Variants in ANKRD16 observed in about 807,000 individuals in gnomAD.
ANKRD16 encodes ankyrin repeat domain-containing protein 16.
A neutral mutation model predicts 37.9 loss-of-function variants in ANKRD16; 35 were observed. That is an observed-to-expected ratio of 0.92 (90% CI 0.71 to 1.23). The LOEUF (loss-of-function observed/expected upper bound fraction) is 1.23. ANKRD16 is among the 50% of genes most tolerant of loss of function. The probability of loss-of-function intolerance (pLI) is 0.00; values close to 1 mark genes in which losing one functional copy is unlikely to be tolerated. For missense variants in ANKRD16, 480 were observed against 469.9 expected (o/e 1.02, Z -0.20); for synonymous variants, 206 against 197.2 (o/e 1.04, Z -0.37).
chr10:5,879,771 T>C (rs998620661), intron 6 of ANKRD16, among the ~76,000 whole-genome samples: 6 of 126,254 alleles, frequency 4.8e-5, no homozygotes, highest in Admixed American at 9.0e-5. Context: ...GCAGTTGTAA[T>C]GAGTGGCAGT....
rs1161358839 is a variant in ANKRD16 at position 5,885,727 on chromosome 10, TAAG to T, written c.571_573del (p.Leu191del). On this transcript the variant is annotated inframe_deletion, in exon 3 of 8. Transcript: ENST00000380094. ...GACTTGCTGTATTGTTCTTACCTCT[TAAG>T]AAGCACCTTGACTGCCTCCAAATGG... 1 of 1,611,782 alleles carries T rather than the reference TAAG, an allele frequency of 6.2e-7. No homozygotes were observed. Among genetic ancestry groups the T allele is most frequent in the African/African-American group, 1.3e-5 (1 of 74,808 alleles).
Position 5,865,189 on chromosome 10 carries a change from G to C in ANKRD16, c.*34-2498C>G, listed in dbSNP as rs762021173. Among the ~76,000 whole-genome samples, 42 of 152,190 alleles carry C rather than the reference G, an allele frequency of 2.8e-4. No individual in the cohort carries two copies. Among genetic ancestry groups the C allele is most frequent in the Non-Finnish European group, 5.0e-4 (34 of 68,030 alleles). Reference sequence around the variant, plus strand: ...GAAAATGGAGCAGGCCAATCACCTGGTAGGGCTTGTTACCAGTGTGGTTTG... The same window carrying C: ...GAAAATGGAGCAGGCCAATCACCTGCTAGGGCTTGTTACCAGTGTGGTTTG... On this transcript the variant is annotated intron_variant, in intron 7 of 7. Coordinates refer to ENST00000380094, the MANE Select transcript of ANKRD16 (RefSeq NM_019046.3). The surrounding 1 kb of genome is among the most constrained non-coding windows in gnomAD (Gnocchi z 4.7).
Position 5,874,694 on chromosome 10 carries a change from T to C in ANKRD16, c.*33+3403A>G, listed in dbSNP as rs1842158472. Among the ~76,000 whole-genome samples the C allele has an allele frequency of 6.6e-6, 1 of 152,064 alleles. No individual in the cohort carries two copies. The highest frequency in any genetic ancestry group is 1.5e-5 in the Non-Finnish European group (1 of 67,994). On this transcript the variant is annotated intron_variant, in intron 7 of 7. Transcript: ENST00000380094. The surrounding 1 kb of genome is among the most constrained non-coding windows in gnomAD (Gnocchi z 4.7). ...GGCTGGGTTTTGAATAAACTGAATG[T>C]GAGATGGCCTCAGAACATCCATGCA...
At chr10:5,880,766 T>C (rs1976655) in intron 5 of ANKRD16, among the ~76,000 whole-genome samples, 44,383 of 152,132 alleles carry the variant, frequency 0.29, 7,128 homozygotes, top group Middle Eastern at 0.36. Flanking sequence ...GCTATCTGCT[T>C]AGGAACAAAA....
At position 5,883,181 on chromosome 10, in the gene ANKRD16, G is replaced by C; in HGVS notation, c.688-14C>G. 1 of 1,611,340 alleles carries C rather than the reference G, an allele frequency of 6.2e-7. No homozygotes were observed. The highest frequency in any genetic ancestry group is 8.5e-7 in the Non-Finnish European group (1 of 1,179,174). Reference sequence around the variant, plus strand: ...TGAAAGGCAAGCCTAGTGGGCAGAGGAGAGAAAGGAGCAAAGGTCAAAGAT... The same window carrying C: ...TGAAAGGCAAGCCTAGTGGGCAGAGCAGAGAAAGGAGCAAAGGTCAAAGAT... On this transcript the variant is annotated splice_polypyrimidine_tract_variant and intron_variant, in intron 4 of 7. Transcript: ENST00000380094.
chr10:5,881,392 T>A (rs1205553491), intron 5 of ANKRD16, among the ~76,000 whole-genome samples: 2 of 144,294 alleles, frequency 1.4e-5, no homozygotes, highest in African/African-American at 5.1e-5. Flanking sequence ...CTATTACAGC[T>A]AGTAGGAATT....
intron 5 of ANKRD16, among the ~76,000 whole-genome samples, chr10:5,882,080 A>G (rs1386545922): frequency 6.6e-6 from 1 of 152,042 alleles, no homozygotes; most frequent in Non-Finnish European, 1.5e-5. Context: ...CTATAAAATA[A>G]TTTATACACT....
chr10:5,885,098 T>A (rs1842396515), intron 3 of ANKRD16, among the ~76,000 whole-genome samples: 1 of 152,252 alleles, frequency 6.6e-6, no homozygotes, highest in African/African-American at 2.4e-5. Flanking sequence ...TTCCTGCCAG[T>A]CTGTTGAGTT....
chr10:5,872,478 AAAAT>A (rs775568986), intron 7 of ANKRD16, among the ~76,000 whole-genome samples: 2 of 152,160 alleles, frequency 1.3e-5, no homozygotes, highest in Non-Finnish European at 2.9e-5. Context: ...GACTGTCTCC[AAAAT>A]AAATAAATAA....
Position 5,878,850 on chromosome 10 carries a change from A to AT in ANKRD16, c.929-564dup, listed in dbSNP as rs1221221705. On this transcript the variant is annotated intron_variant, in intron 6 of 7. Coordinates refer to ENST00000380094, the MANE Select transcript of ANKRD16 (RefSeq NM_019046.3). This position sits in a 1 kb window ranked among gnomAD's most constrained non-coding sequence, Gnocchi z 5.1. ...AGAAGCAACAGAGCAAGTTAACAAGATATAGGATACATCCTCTTCATACGC... is the reference window on the plus strand; with the variant it reads ...AGAAGCAACAGAGCAAGTTAACAAGATTATAGGATACATCCTCTTCATACGC... 2.0e-5 allele frequency among the ~76,000 whole-genome samples: 3 copies of AT among 152,144 alleles called. No homozygotes were observed. Among genetic ancestry groups the AT allele is most frequent in the African/African-American group, 7.2e-5 (3 of 41,434 alleles).
At chr10:5,867,117 C>T (rs1842026932) in intron 7 of ANKRD16, among the ~76,000 whole-genome samples, 1 of 152,194 alleles carries the variant, frequency 6.6e-6, no homozygotes, top group Non-Finnish European at 1.5e-5. Context: ...TATAACACTC[C>T]AATACCACCT....
At chr10:5,880,465 A>G (rs1842279312) in intron 5 of ANKRD16, 89 bp from the exon 6 acceptor site, 1 of 699,442 alleles carries the variant, frequency 1.4e-6, no homozygotes, top group Admixed American at 3.3e-5. Flanking sequence ...GTCTCAATCA[A>G]TTTAGAAGTT....
In ANKRD16 at chr10:5,889,260, C is replaced by T; in HGVS notation, c.95G>A (p.Cys32Tyr). Reference sequence around the variant, plus strand: ...GAGGGTATCCCCGGCCGGCCCCGGGCAGCCCCCGGCCGCCTGCAGCTCCTC... The same window carrying T: ...GAGGGTATCCCCGGCCGGCCCCGGGTAGCCCCCGGCCGCCTGCAGCTCCTC... ...LKEELQAAGGCPGPAGDTLLH... is the reference protein window; with the variant it reads ...LKEELQAAGGYPGPAGDTLLH... The change falls in exon 1 of 8, where the codon TGC (cysteine) becomes TAC (tyrosine). Residue 32 changes from cysteine (C) to tyrosine (Y), a missense_variant. Physicochemically the swap from Cys to Tyr is radical, Grantham distance 194. Transcript: ENST00000380094. 1 of 1,493,214 alleles carries T rather than the reference C, an allele frequency of 6.7e-7. No individual in the cohort carries two copies. Among genetic ancestry groups the T allele is most frequent in the Non-Finnish European group, 8.8e-7 (1 of 1,130,422 alleles). The allele number at this position is 1,493,214 out of a possible 1,614,324, so 92.5% of individuals were successfully genotyped here. A position where few individuals can be genotyped will look rare whatever the true frequency, so the allele number is the denominator to read the frequency against.
At position 5,889,059 on chromosome 10, in the gene ANKRD16, C is replaced by A; in HGVS notation, c.296G>T (p.Cys99Phe). Residue 99 changes from cysteine (C) to phenylalanine (F), a missense_variant, in exon 1 of 8, where the codon TGC (cysteine) becomes TTC (phenylalanine). Cys to Phe is a radical substitution (Grantham distance 205). Transcript: ENST00000380094. ...CACCTACCAGTCGGCCTTCTTCAGG[C>A]AGTCGACCGCTGCCCCCCGGCCCAG... The part of the protein sequence containing the change: ...YLLGRGAAVD[C>F]LKKADWTPLM... The A allele has an allele frequency of 6.4e-7, 1 of 1,552,168 alleles. No homozygotes were observed. Among genetic ancestry groups the A allele is most frequent in the Non-Finnish European group, 8.7e-7 (1 of 1,155,558 alleles).
rs1480676024 is a variant in ANKRD16, at chr10:5,868,520, C to A, written c.*34-5829G>T. Among the ~76,000 whole-genome samples, 1 of 152,164 alleles carries A rather than the reference C, an allele frequency of 6.6e-6. No homozygotes were observed. Among genetic ancestry groups the A allele is most frequent in the Admixed American group, 6.5e-5 (1 of 15,282 alleles). On this transcript the variant is annotated intron_variant, in intron 7 of 7. Transcript: ENST00000380094. This position sits in a 1 kb window ranked among gnomAD's most constrained non-coding sequence, Gnocchi z 4.9. Reference sequence around the variant, plus strand: ...CAGCACTCTATAAAAATGCACCAATCAGCGCTCTGTGTCTAGCTAAAGGAT... The same window carrying A: ...CAGCACTCTATAAAAATGCACCAATAAGCGCTCTGTGTCTAGCTAAAGGAT...
chr10:5,864,944 T>C lies in ANKRD16; in HGVS notation c.*34-2253A>G, dbSNP rs1841993094. Among the ~76,000 whole-genome samples, 3 of 152,094 alleles carry C rather than the reference T, an allele frequency of 2.0e-5. No individual in the cohort carries two copies. Among genetic ancestry groups the C allele is most frequent in the Admixed American group, 2.0e-4 (3 of 15,264 alleles). ...TCGAGGGTCAATTGATCCTAAAAGGTAAGTTTATTATCCAATCAGCCACAG... is the reference window on the plus strand; with the variant it reads ...TCGAGGGTCAATTGATCCTAAAAGGCAAGTTTATTATCCAATCAGCCACAG... On this transcript the variant is annotated intron_variant, in intron 7 of 7. Coordinates refer to ENST00000380094, the MANE Select transcript of ANKRD16 (RefSeq NM_019046.3). This position sits in a 1 kb window ranked among gnomAD's most constrained non-coding sequence, Gnocchi z 4.4.
chr10:5,878,822 G>A lies in ANKRD16; in HGVS notation c.929-535C>T, dbSNP rs1371802348. ...AAAAAGAAAAAGAAACTTATCTAAA[G>A]CAAGAAGCAACAGAGCAAGTTAACA... On this transcript the variant is annotated intron_variant, in intron 6 of 7. Coordinates refer to ENST00000380094, the MANE Select transcript of ANKRD16 (RefSeq NM_019046.3). The surrounding 1 kb of genome is among the most constrained non-coding windows in gnomAD (Gnocchi z 5.1). Among the ~76,000 whole-genome samples the A allele has an allele frequency of 5.3e-5, 8 of 150,920 alleles. 1 individual carries two copies. Among genetic ancestry groups the A allele is most frequent in the Non-Finnish European group, 1.2e-4 (8 of 67,820 alleles).
intron 2 of ANKRD16, 86 bp from the exon 3 acceptor site, chr10:5,885,851 G>T: frequency 7.5e-7 from 1 of 1,337,832 alleles, no homozygotes; most frequent in Non-Finnish European, 1.0e-6. Context: ...TCTCTGCCCC[G>T]TTCTATTAGT....
chr10:5,862,671 G>A lies in ANKRD16; in HGVS notation c.*54C>T, dbSNP rs1025400466. On this transcript the variant is annotated 3_prime_UTR_variant, in exon 8 of 8. Transcript: ENST00000380094. The surrounding 1 kb of genome is among the most constrained non-coding windows in gnomAD (Gnocchi z 6.5). ...CTTTCTCTGAGCCGAAAAACGAAAG[G>A]TGCTCAGGCTCCCAGCAACTCTGTG... is the stretch of plus-strand genomic sequence containing the variant. The A allele has an allele frequency of 7.8e-6, 10 of 1,289,558 alleles. No homozygotes were observed. Among genetic ancestry groups the A allele is most frequent in the Non-Finnish European group, 1.0e-5 (10 of 988,874 alleles). The allele number at this position is 1,289,558 out of a possible 1,614,324, so 79.9% of individuals were successfully genotyped here. A position where few individuals can be genotyped will look rare whatever the true frequency, so the allele number is the denominator to read the frequency against.
Sources: allele counts gnomAD v4.1 joint callset (sites outside exome capture counted in the v4.1 genomes callset), GRCh38; gene constraint gnomAD v4.1.1; non-coding constraint Gnocchi (gnomAD v3.1); transcripts MANE v1.5; gene names NCBI Gene and HGNC (gene_info 2026-07-23, HGNC 2026-07-21).